The following LIPC variants were observed in gnomAD, a reference collection of about 807,000 sequenced individuals.
LIPC encodes lipase C, hepatic type.
LIPC carries 44 observed loss-of-function variants against 50.7 expected under a neutral mutation model. That is an observed-to-expected ratio of 0.87 (90% confidence interval 0.68 to 1.11). The LOEUF (loss-of-function observed/expected upper bound fraction) is 1.11, where lower values mean the gene tolerates loss of function less well. Ranked by LOEUF, LIPC falls within the 50% of genes most tolerant of loss-of-function variation. The pLI is 0.00. For synonymous variants in LIPC, 271 were observed against 256.4 expected, an observed-to-expected ratio of 1.06 and a Z score of -0.54; for missense variants, 697 against 648.2, an observed-to-expected ratio of 1.08 and a Z score of -0.82.
At chr15:58,485,554 G>T (rs1437981798) in intron 1 of LIPC, among the ~76,000 whole-genome samples, 1 of 140,184 alleles carries the variant, frequency 7.1e-6, no homozygotes, top group African/African-American at 2.6e-5. Flanking sequence ...TCCTTCGACT[G>T]AAGACCTTTC....
chr15:58,471,334 G>GGGA (rs569416304), intron 1 of LIPC, among the ~76,000 whole-genome samples: 1 of 138,414 alleles, frequency 7.2e-6, no homozygotes, highest in African/African-American at 2.8e-5. Flanking sequence ...GAGATGGGGG[G>GGGA]GGGTGGTCTC....
chr15:58,548,673 C>G (rs1893632980), intron 6 of LIPC, 101 bp downstream of exon 6: 2 of 1,447,474 alleles, frequency 1.4e-6, no homozygotes, highest in East Asian at 4.9e-5. Flanking sequence ...TGCTTCAGCT[C>G]TGCTGTTGCG....
At chr15:58,438,138 G>A (rs1282976993) in intron 1 of LIPC, among the ~76,000 whole-genome samples, 2 of 152,110 alleles carry the variant, frequency 1.3e-5, no homozygotes, top group African/African-American at 2.4e-5. Flanking sequence ...CTGGTACCTG[G>A]CTACCCACGA....
At chr15:58,537,421 T>C (rs1253311723) in intron 1 of LIPC, among the ~76,000 whole-genome samples, 1 of 152,168 alleles carries the variant, frequency 6.6e-6, no homozygotes, top group Non-Finnish European at 1.5e-5. Flanking sequence ...CTTCCTCTCC[T>C]TTTCCACCTC....
intron 1 of LIPC, among the ~76,000 whole-genome samples, chr15:58,489,232 G>GGGGGGC (rs1891493179): frequency 8.3e-6 from 1 of 120,754 alleles, no homozygotes; most frequent in African/African-American, 3.1e-5. Flanking sequence ...GCGGGGGGGC[G>GGGGGGC]GCTTACAAGC....
At chr15:58,461,899 C>T (rs1209844768) in intron 1 of LIPC, among the ~76,000 whole-genome samples, 1 of 152,152 alleles carries the variant, frequency 6.6e-6, no homozygotes, top group Middle Eastern at 3.4e-3. Context: ...TCTGTCCACC[C>T]CTCCACACCT....
intron 1 of LIPC, among the ~76,000 whole-genome samples, chr15:58,450,485 G>A (rs1893861529): frequency 1.3e-5 from 2 of 152,176 alleles, no homozygotes; most frequent in South Asian, 2.1e-4. Flanking sequence ...TTTGGCACTT[G>A]GGAAAAAGAA....
intron 1 of LIPC, among the ~76,000 whole-genome samples, chr15:58,510,532 C>T (rs149969139): frequency 6.6e-6 from 1 of 152,280 alleles, no homozygotes; most frequent in East Asian, 1.9e-4. Context: ...GAAATGTAAT[C>T]ACAATATATG....
intron 1 of LIPC, among the ~76,000 whole-genome samples, chr15:58,439,359 C>T (rs1286698015): frequency 3.3e-5 from 5 of 151,984 alleles, no homozygotes; most frequent in African/African-American, 1.2e-4. Flanking sequence ...AAATTTACTA[C>T]GAAATGATAA....
intron 1 of LIPC, among the ~76,000 whole-genome samples, chr15:58,538,020 TCC>T (rs1283586282): frequency 6.6e-6 from 1 of 152,124 alleles, no homozygotes; most frequent in Admixed American, 6.5e-5. Context: ...GAGGTGCTTA[TCC>T]ACCGAGCCTC....
intron 1 of LIPC, among the ~76,000 whole-genome samples, chr15:58,448,530 C>T (rs773594121): frequency 1.3e-5 from 2 of 152,190 alleles, no homozygotes; most frequent in Admixed American, 6.5e-5. Context: ...TAAAACAGAC[C>T]GCAGGTGCCC....
chr15:58,489,078 C>G (rs1891476744), intron 1 of LIPC, among the ~76,000 whole-genome samples: 1 of 152,054 alleles, frequency 6.6e-6, no homozygotes, highest in African/African-American at 2.4e-5. Flanking sequence ...TACTTCACAA[C>G]AATACTGAGC....
At chr15:58,453,410 C>T (rs188536000) in intron 1 of LIPC, among the ~76,000 whole-genome samples, 1 of 152,238 alleles carries the variant, frequency 6.6e-6, no homozygotes, top group Admixed American at 6.5e-5. Flanking sequence ...CTAATCGGTC[C>T]CCCAACTTGA....
rs1320941700 is a variant in LIPC, at chr15:58,569,302, AAAG to A, written c.*481_*483del. The A allele has an allele frequency of 2.0e-5, 3 of 152,282 alleles. No homozygotes were observed. The highest frequency in any genetic ancestry group is 3.8e-4 in the East Asian group (2 of 5,198). 9.4% of individuals were successfully genotyped at this position (152,282 alleles called of 1,614,324 possible). A position where few individuals can be genotyped will look rare whatever the true frequency, so the allele number is the denominator to read the frequency against. ...ATCCTTTAAGACAATACAGTTCTTA[AAAG>A]AAGAAAAATTATAATTATTCTAATA... On this transcript the variant is annotated 3_prime_UTR_variant, in exon 9 of 9. Coordinates refer to ENST00000299022, the MANE Select transcript of LIPC (RefSeq NM_000236.3).
chr15:58,432,276 G>A (rs529666408), intron 1 of LIPC, 156 bp downstream of exon 1: 20 of 668,490 alleles, frequency 3.0e-5, no homozygotes, highest in Admixed American at 2.7e-4. Context: ...ACAGGGACAC[G>A]TAGCCGTTTG....
At chr15:58,450,716 A>G (rs1242599620) in intron 1 of LIPC, among the ~76,000 whole-genome samples, 6 of 152,192 alleles carry the variant, frequency 3.9e-5, no homozygotes, top group Non-Finnish European at 1.5e-5. Context: ...TGAGTAGGTC[A>G]CAGTCTTGCC....
At chr15:58,519,050 A>T (rs1312442162) in intron 1 of LIPC, among the ~76,000 whole-genome samples, 2 of 152,170 alleles carry the variant, frequency 1.3e-5, no homozygotes, top group African/African-American at 4.8e-5. Context: ...TTTTGTGAAA[A>T]GTTAATAAAC....
At chr15:58,510,172 C>T (rs1892287382) in intron 1 of LIPC, among the ~76,000 whole-genome samples, 2 of 152,176 alleles carry the variant, frequency 1.3e-5, no homozygotes, top group African/African-American at 4.8e-5. Context: ...AAGGACACAG[C>T]TCCCTGGTAT....
At chr15:58,455,477 C>A (rs1235811906) in intron 1 of LIPC, among the ~76,000 whole-genome samples, 1 of 152,158 alleles carries the variant, frequency 6.6e-6, no homozygotes, top group African/African-American at 2.4e-5. Flanking sequence ...TTAGAACTGT[C>A]CCAATTGTAA....
Sources: allele counts gnomAD v4.1 joint callset (sites outside exome capture counted in the v4.1 genomes callset), GRCh38; gene constraint gnomAD v4.1.1; transcripts MANE v1.5; gene names NCBI Gene and HGNC (gene_info 2026-07-23, HGNC 2026-07-21).